GRIN3A: variants seen among roughly 807,000 people sequenced by gnomAD.
The protein encoded by GRIN3A is glutamate receptor ionotropic, NMDA 3A.
A neutral mutation model predicts 92.4 loss-of-function variants in GRIN3A; 47 were observed. The ratio of observed to expected loss-of-function variants is 0.51; its 90% CI spans 0.40 to 0.65. The LOEUF is 0.65. GRIN3A is among the 30% of genes least tolerant of loss of function. GRIN3A has a pLI of 0.00. For synonymous variants in GRIN3A, 527 were observed against 540.6 expected, an observed-to-expected ratio of 0.97 and a Z score of 0.35; for missense variants, 1,324 against 1,393.1, an observed-to-expected ratio of 0.95 and a Z score of 0.79.
intron 6 of GRIN3A, among the ~76,000 whole-genome samples, chr9:101,607,066 C>T (rs936532338): frequency 3.3e-5 from 5 of 151,668 alleles, no homozygotes; most frequent in Non-Finnish European, 5.9e-5. Flanking sequence ...ATTTAAAATT[C>T]CTCTTTGAAA....
intron 3 of GRIN3A, among the ~76,000 whole-genome samples, chr9:101,630,966 T>A (rs1481529678): frequency 6.6e-6 from 1 of 152,224 alleles, no homozygotes; most frequent in Non-Finnish European, 1.5e-5. Flanking sequence ...CCATTTAACT[T>A]ATATGCATTC....
At chr9:101,630,635 CCTCT>C (rs1421694980) in intron 3 of GRIN3A, among the ~76,000 whole-genome samples, 1 of 152,136 alleles carries the variant, frequency 6.6e-6, no homozygotes, top group Non-Finnish European at 1.5e-5. Context: ...ATACTGACTC[CCTCT>C]GTCTGGATTT....
chr9:101,575,361 C>G (rs992781284), intron 8 of GRIN3A, among the ~76,000 whole-genome samples: 3 of 151,980 alleles, frequency 2.0e-5, no homozygotes, highest in African/African-American at 7.3e-5. Context: ...CAAATCTTTT[C>G]CTATTGAATT....
At chr9:101,612,598 G>GT (rs905373386) in intron 6 of GRIN3A, among the ~76,000 whole-genome samples, 69 of 149,158 alleles carry the variant, frequency 4.6e-4, no homozygotes, top group African/African-American at 1.3e-3. Flanking sequence ...AGGTGGGTTT[G>GT]TTTTTTTTTT....
intron 1 of GRIN3A, among the ~76,000 whole-genome samples, chr9:101,709,296 G>A (rs186234402): frequency 4.5e-4 from 69 of 152,332 alleles, no homozygotes; most frequent in African/African-American, 1.6e-3. Context: ...ACCAGCTTCA[G>A]ATGATAATAA....
chr9:101,644,804 TCA>T (rs1235375512), intron 3 of GRIN3A, among the ~76,000 whole-genome samples: 5 of 151,914 alleles, frequency 3.3e-5, no homozygotes, highest in African/African-American at 1.2e-4. Flanking sequence ...TGAGTTCATC[TCA>T]CTTTCTCTAT....
At chr9:101,735,446 T>C (rs1238621627) in intron 1 of GRIN3A, among the ~76,000 whole-genome samples, 1 of 151,740 alleles carries the variant, frequency 6.6e-6, no homozygotes, top group Non-Finnish European at 1.5e-5. Flanking sequence ...TTCTGGATTC[T>C]GCTTCATGGT....
chr9:101,715,215 A>G (rs1402759218), intron 1 of GRIN3A, among the ~76,000 whole-genome samples: 4 of 151,260 alleles, frequency 2.6e-5, no homozygotes, highest in African/African-American at 4.8e-5. Context: ...AAAAAAAAAA[A>G]AAAAGAAAAT....
chr9:101,675,192 C>T (rs1829378283), intron 2 of GRIN3A, among the ~76,000 whole-genome samples: 1 of 151,856 alleles, frequency 6.6e-6, no homozygotes. Flanking sequence ...ACAAACCTCC[C>T]AAGATACCAT....
At chr9:101,732,335 A>G (rs1483397832) in intron 1 of GRIN3A, among the ~76,000 whole-genome samples, 1 of 152,176 alleles carries the variant, frequency 6.6e-6, no homozygotes, top group Admixed American at 6.5e-5. Flanking sequence ...AATTTCCTGA[A>G]TGATAGTTTG....
intron 1 of GRIN3A, among the ~76,000 whole-genome samples, chr9:101,721,852 C>A (rs190254903): frequency 6.6e-6 from 1 of 152,254 alleles, no homozygotes; most frequent in Admixed American, 6.5e-5. Flanking sequence ...AAAAGCATTC[C>A]ATTTTAAAAG....
intron 3 of GRIN3A, among the ~76,000 whole-genome samples, chr9:101,640,579 A>G (rs1351173091): frequency 1.3e-5 from 2 of 152,180 alleles, no homozygotes; most frequent in African/African-American, 2.4e-5. Context: ...TAATCCTTAT[A>G]GCAAAGAGAC....
intron 2 of GRIN3A, among the ~76,000 whole-genome samples, chr9:101,685,538 A>T (rs1470564614): frequency 1.3e-5 from 2 of 151,874 alleles, no homozygotes; most frequent in Non-Finnish European, 2.9e-5. Context: ...TTTCAGAAGA[A>T]AGTCTAAGCC....
chr9:101,612,804 G>A (rs1828383824), intron 6 of GRIN3A, among the ~76,000 whole-genome samples: 1 of 152,150 alleles, frequency 6.6e-6, no homozygotes, highest in Non-Finnish European at 1.5e-5. Flanking sequence ...GTGCCTTAGG[G>A]AAACCACTGA....
intron 5 of GRIN3A, among the ~76,000 whole-genome samples, chr9:101,618,889 G>A (rs1828508574): frequency 1.3e-5 from 2 of 152,112 alleles, no homozygotes; most frequent in South Asian, 4.1e-4. Context: ...TACTAGAAAT[G>A]TGGCTTTGCA....
intron 1 of GRIN3A, among the ~76,000 whole-genome samples, chr9:101,705,541 C>G (rs1277393999): frequency 6.6e-6 from 1 of 152,118 alleles, no homozygotes; most frequent in Admixed American, 6.5e-5. Flanking sequence ...TAACAGCCGT[C>G]CCTGGATGAC....
Position 101,715,672 on chromosome 9 carries a change from T to C in GRIN3A, c.699+21609A>G, listed in dbSNP as rs1433606217. ...GGAGACTCATAAAAGTTTCATGACA[T>C]AATGAAAGTGAGCAAGTAGAAAACA... is the stretch of plus-strand genomic sequence containing the variant. On this transcript the variant is annotated intron_variant, in intron 1 of 8. Transcript: ENST00000361820. Among the ~76,000 whole-genome samples, 3 of 152,256 alleles carry C rather than the reference T, an allele frequency of 2.0e-5. No individual in the cohort carries two copies. The East Asian group carries it at 5.8e-4, about 29-fold the overall frequency.
At chr9:101,635,367 G>T (rs751060980) in intron 3 of GRIN3A, among the ~76,000 whole-genome samples, 2 of 152,126 alleles carry the variant, frequency 1.3e-5, no homozygotes, top group Non-Finnish European at 2.9e-5. Flanking sequence ...GGCTGTTTTT[G>T]CACTACAACA....
chr9:101,633,799 G>T (rs1286865680), intron 3 of GRIN3A, among the ~76,000 whole-genome samples: 5 of 113,928 alleles, frequency 4.4e-5, no homozygotes, highest in African/African-American at 1.3e-4. Context: ...GTGCCAAAAA[G>T]GTTGGGGACT....
Sources: allele counts gnomAD v4.1 joint callset (sites outside exome capture counted in the v4.1 genomes callset), GRCh38; gene constraint gnomAD v4.1.1; transcripts MANE v1.5; gene names NCBI Gene and HGNC (gene_info 2026-07-23, HGNC 2026-07-21).